The following FAT1 variants were observed in gnomAD, a reference collection of about 807,000 sequenced individuals.
The protein encoded by FAT1 is protocadherin Fat 1.
FAT1 carries 171 observed loss-of-function variants against 329.8 expected under a neutral mutation model. That is an observed-to-expected ratio of 0.52 (90% confidence interval 0.46 to 0.59). The LOEUF is 0.59. Among genes scored for constraint, FAT1 ranks in the 20% least tolerant of loss-of-function variants. The pLI is 0.00. For missense variants in FAT1, 5,672 were observed against 5,774.4 expected, an observed-to-expected ratio of 0.98 and a Z score of 0.57; for synonymous variants, 2,233 against 2,228.6, an observed-to-expected ratio of 1.00 and a Z score of -0.06.
chr4:186,628,454 C>G (rs1184148677), intron 8 of FAT1, 34 bp downstream of exon 8: 2 of 1,612,644 alleles, frequency 1.2e-6, no homozygotes, highest in African/African-American at 2.7e-5. Context: ...GCCTCAGGAC[C>G]AAATGGTGGG....
intron 1 of FAT1, among the ~76,000 whole-genome samples, chr4:186,721,712 A>G (rs1745476681): frequency 1.3e-5 from 2 of 152,210 alleles, no homozygotes; most frequent in East Asian, 1.9e-4. Context: ...AATCTCTAAG[A>G]TCCTATCCAC....
At chr4:186,593,694 G>A (rs1579285660) in intron 26 of FAT1, among the ~76,000 whole-genome samples, 2 of 152,080 alleles carry the variant, frequency 1.3e-5, no homozygotes, top group Admixed American at 1.3e-4. Context: ...AAGAATGTGG[G>A]CAGCCTCTAA....
chr4:186,677,829 A>G (rs1207739150), intron 2 of FAT1, among the ~76,000 whole-genome samples: 1 of 152,234 alleles, frequency 6.6e-6, no homozygotes, highest in African/African-American at 2.4e-5. Context: ...TTTAGAGACT[A>G]TGAAGACAAA....
intron 2 of FAT1, among the ~76,000 whole-genome samples, chr4:186,679,888 A>C (rs191582245): frequency 6.2e-4 from 95 of 152,340 alleles, no homozygotes; most frequent in African/African-American, 2.2e-3. Context: ...ATTTGTTAAA[A>C]TCTGAAACTC....
At chr4:186,604,762 T>C (rs1357814650) in intron 17 of FAT1, among the ~76,000 whole-genome samples, 188 bp from the exon 18 acceptor site, 1 of 143,946 alleles carries the variant, frequency 6.9e-6, no homozygotes, top group Non-Finnish European at 1.5e-5. Context: ...GGAGAAGGGG[T>C]GTAGCGAAAA....
In FAT1 at chr4:186,597,011, T is replaced by C; in HGVS notation, c.12529A>G (p.Ile4177Val). The C allele has an allele frequency of 6.2e-7, 1 of 1,614,008 alleles. No homozygotes were observed. Among genetic ancestry groups the C allele is most frequent in the Non-Finnish European group, 8.5e-7 (1 of 1,179,894 alleles). The change falls in exon 25 of 27, where the codon ATT becomes GTT. Residue 4177 changes from isoleucine (I) to valine (V), a missense_variant. By Grantham distance (29) the Ile-to-Val change is conservative. Coordinates refer to ENST00000441802, the MANE Select transcript of FAT1 (RefSeq NM_005245.4). ...PNQYVSTPWNIGLAEGIGIVV... is the reference protein window; with the variant it reads ...PNQYVSTPWNVGLAEGIGIVV... Reference sequence around the variant, plus strand: ...ATTCCAATTCCTTCCGCCAACCCAATGTTCCACGGCGTGGACACATACTGG... The same window carrying C: ...ATTCCAATTCCTTCCGCCAACCCAACGTTCCACGGCGTGGACACATACTGG...
In FAT1 at chr4:186,706,680, C is replaced by T. The variant is rs2126682497; in HGVS notation, c.3148G>A (p.Gly1050Ser). The T allele has an allele frequency of 6.2e-7, 1 of 1,613,978 alleles. No homozygotes were observed. Among genetic ancestry groups the T allele is most frequent in the Non-Finnish European group, 8.5e-7 (1 of 1,179,900 alleles). Residue 1050 changes from glycine to serine, a missense_variant, in exon 2 of 27, where the codon GGT becomes AGT. By Grantham distance (56) the Gly-to-Ser change is moderately conservative. Transcript: ENST00000441802. ...KGTVKEDAPV[G>S]SLVMTVSAHD... ...GCCGACACCGTCATTACCAATGAAC[C>T]AACAGGTGCATCTTCTTTCACTGTC... is the stretch of plus-strand genomic sequence containing the variant.
chr4:186,621,098 G>A lies in FAT1; in HGVS notation c.5488C>T (p.His1830Tyr), dbSNP rs746692408. The A allele has an allele frequency of 2.2e-5, 35 of 1,613,650 alleles. No homozygotes were observed. In the South Asian group the frequency reaches 2.9e-4, roughly 13 times the overall value. Residue 1830 changes from histidine (H) to tyrosine (Y), a missense_variant, in exon 10 of 27, where the codon CAT becomes TAT. Transcript: ENST00000441802. ...TCATAGTCCAGACTTAGTACTGTAT[G>A]AATAGCACCAGTGCTAGAATCAATA... ...FAIDSSTGAI[H>Y]TVLSLDYEET...
At chr4:186,673,061 T>A (rs983115924) in intron 2 of FAT1, among the ~76,000 whole-genome samples, 2 of 152,126 alleles carry the variant, frequency 1.3e-5, no homozygotes, top group Non-Finnish European at 2.9e-5. Context: ...ATACAGAAAT[T>A]GAGAGAAAAA....
intron 2 of FAT1, among the ~76,000 whole-genome samples, chr4:186,668,283 C>T (rs569988591): frequency 1.3e-5 from 2 of 152,216 alleles, no homozygotes; most frequent in Admixed American, 6.5e-5. Context: ...GTCAAAACCC[C>T]GAAGCTTCCC....
chr4:186,693,435 G>A lies in FAT1; in HGVS notation c.3265+13128C>T, dbSNP rs1166245634. On this transcript the variant is annotated intron_variant, in intron 2 of 26. Coordinates refer to ENST00000441802, the MANE Select transcript of FAT1 (RefSeq NM_005245.4). ...GAGGAGTTCTGAGCCTTGGCCCAGCGGATTTGCTGCTTTCCTCGAGCACCC... is the reference window on the plus strand; with the variant it reads ...GAGGAGTTCTGAGCCTTGGCCCAGCAGATTTGCTGCTTTCCTCGAGCACCC... Among the ~76,000 whole-genome samples the A allele has an allele frequency of 5.7e-5, 6 of 105,212 alleles. 2 individuals are homozygous for A. Among genetic ancestry groups the A allele is most frequent in the Non-Finnish European group, 1.2e-4 (6 of 51,994 alleles). The allele number at this position is 105,212 out of a possible 152,430, so 69.0% of individuals were successfully genotyped here.
intron 2 of FAT1, among the ~76,000 whole-genome samples, chr4:186,696,293 T>G (rs1281048267): frequency 6.6e-6 from 1 of 152,212 alleles, no homozygotes; most frequent in Non-Finnish European, 1.5e-5. Flanking sequence ...GAAAAAGCAC[T>G]TCCTTTTAAA....
rs780219669 is a variant in FAT1 at position 186,601,299 on chromosome 4, A to G, written c.11610T>C (p.Tyr3870=). 16 of 1,609,378 alleles carry G rather than the reference A, an allele frequency of 9.9e-6. No individual in the cohort carries two copies. The African/African-American group carries it at 1.9e-4, about 19-fold the overall frequency. Residue 3870 remains tyrosine (Y), a synonymous_variant, in exon 21 of 27, where the codon TAT becomes TAC. Transcript: ENST00000441802. ...AGATGCTATAGTCAGTTCCTCGAGCATACATGACAACCGCATGCGTGGAAT... is the reference window on the plus strand; with the variant it reads ...AGATGCTATAGTCAGTTCCTCGAGCGTACATGACAACCGCATGCGTGGAAT... ...RTYSTHAVVM[Y]ARGTDYSILE... is the part of the protein sequence containing the mutation.
At chr4:186,665,897 G>A (rs888278403) in intron 2 of FAT1, among the ~76,000 whole-genome samples, 3 of 152,022 alleles carry the variant, frequency 2.0e-5, no homozygotes, top group Non-Finnish European at 2.9e-5. Context: ...AGACATGGAT[G>A]AAGCTGGAAA....
chr4:186,721,549 C>G (rs1239734450), intron 1 of FAT1, among the ~76,000 whole-genome samples: 1 of 152,236 alleles, frequency 6.6e-6, no homozygotes, highest in South Asian at 2.1e-4. Context: ...CCTTACGGCT[C>G]CCTGCTATTA....
chr4:186,644,321 C>T (rs759259965), intron 3 of FAT1, among the ~76,000 whole-genome samples: 3 of 152,270 alleles, frequency 2.0e-5, no homozygotes, highest in South Asian at 4.1e-4. Context: ...AGCAGAAAAA[C>T]GTATATGCAA....
At position 186,708,871 on chromosome 4, in the gene FAT1, G is replaced by T. The variant is rs1054647028; in HGVS notation, c.957C>A (p.Ala319=). The change falls in exon 2 of 27, where the codon GCC becomes GCA. Residue 319 remains alanine (A), a synonymous_variant. Coordinates refer to ENST00000441802, the MANE Select transcript of FAT1 (RefSeq NM_005245.4). ...GACTGTCCCAATCAATGCCACCGAT[G>T]GCTTTGACTTTATACTCCTTACTCC... ...FPGSKEYKVK[A]IGGIDWDSHP... is the part of the protein sequence containing the mutation. The T allele has an allele frequency of 6.2e-7, 1 of 1,613,924 alleles. No homozygotes were observed. Among genetic ancestry groups the T allele is most frequent in the Non-Finnish European group, 8.5e-7 (1 of 1,179,888 alleles).
intron 7 of FAT1, among the ~76,000 whole-genome samples, chr4:186,631,219 C>A (rs1245752705): frequency 1.3e-5 from 2 of 151,988 alleles, no homozygotes; most frequent in East Asian, 3.9e-4. Flanking sequence ...AGTGTCTCAC[C>A]TCCCAGCTGA....
At chr4:186,698,289 C>T (rs993621104) in intron 2 of FAT1, among the ~76,000 whole-genome samples, 8 of 152,092 alleles carry the variant, frequency 5.3e-5, no homozygotes, top group African/African-American at 1.2e-4. Context: ...GCCCCCGCAG[C>T]GAAGAGAAGC....
Sources: gnomAD v4.1 joint callset for allele counts (sites outside exome capture counted in the v4.1 genomes callset) on GRCh38, gnomAD v4.1.1 for gene constraint, MANE v1.5 for transcripts, NCBI Gene and HGNC (gene_info 2026-07-23, HGNC 2026-07-21) for gene names.